Variants in KLHL41 observed in about 807,000 individuals in gnomAD.
KLHL41 encodes the protein kelch-like protein 41.
Under a neutral mutation model 49.2 loss-of-function variants are expected in KLHL41, and 31 were observed. The ratio of observed to expected loss-of-function variants is 0.63; its 90% CI spans 0.47 to 0.85. KLHL41 has a LOEUF of 0.85. Ranked by LOEUF, KLHL41 falls within the 40% of genes least tolerant of loss-of-function variation. The pLI is 0.00. For missense variants in KLHL41, 663 were observed against 726.7 expected (o/e 0.91, Z 1.01); for synonymous variants, 218 against 258.5 (o/e 0.84, Z 1.50).
chr2:169,509,877 C>G lies in KLHL41; in HGVS notation c.99C>G (p.Ile33Met). Reference sequence around the variant, plus strand: ...ATCTCCTGGATGAGAAAAAATTCATCGATTGCACCCTAAAAGCAGGTGACA... The same window carrying G: ...ATCTCCTGGATGAGAAAAAATTCATGGATTGCACCCTAAAAGCAGGTGACA... ...LKDLLDEKKF[I>M]DCTLKAGDKS... The change falls in exon 1 of 6, where the codon ATC becomes ATG. Residue 33 changes from isoleucine (I) to methionine (M), a missense_variant. Around this residue, in one of 3 missense-constraint regions of KLHL41, gnomAD observed 129 missense variants for 122.1 expected, o/e 1.06. Coordinates refer to ENST00000284669, the MANE Select transcript of KLHL41 (RefSeq NM_006063.3). 6.2e-7 allele frequency: 1 copy of G among 1,614,122 alleles called. No individual in the cohort carries two copies. Among genetic ancestry groups the G allele is most frequent in the Non-Finnish European group, 8.5e-7 (1 of 1,180,022 alleles).
Position 169,520,152 on chromosome 2 carries a change from C to CTGTG in KLHL41, c.1563-655_1563-652dup, listed in dbSNP as rs59155387. On this transcript the variant is annotated intron_variant, in intron 4 of 5. Transcript: ENST00000284669. Reference sequence around the variant, plus strand: ...TAGGGACATACCACCAGGCCTAGCTCTGTGTGTGTGTGTGTGTGTGTGTGT... The same window carrying CTGTG: ...TAGGGACATACCACCAGGCCTAGCTCTGTGTGTGTGTGTGTGTGTGTGTGTGTGT... 8.4e-3 allele frequency among the ~76,000 whole-genome samples: 887 copies of CTGTG among 105,018 alleles called. 22 individuals are homozygous for CTGTG. The highest frequency in any genetic ancestry group is 0.011 in the Non-Finnish European group (605 of 52,972). The allele number at this position is 105,018 out of a possible 152,430, so 68.9% of individuals were successfully genotyped here.
chr2:169,511,927 C>T (rs890279538), intron 1 of KLHL41, among the ~76,000 whole-genome samples: 3 of 152,174 alleles, frequency 2.0e-5, no homozygotes, highest in Non-Finnish European at 2.9e-5. Context: ...GTTGGCTTAA[C>T]CTTTGTCTTC....
At position 169,509,709 on chromosome 2, in the gene KLHL41, C is replaced by T; in HGVS notation, c.-70C>T. ...CAAAGCACACTGATCTGCCTTTTTA[C>T]AGCTAGACCTGTGTGCTGCAAGGAG... On this transcript the variant is annotated 5_prime_UTR_variant, in exon 1 of 6. Transcript: ENST00000284669. 1 of 1,476,144 alleles carries T rather than the reference C, an allele frequency of 6.8e-7. No homozygotes were observed. Among genetic ancestry groups the T allele is most frequent in the Non-Finnish European group, 9.1e-7 (1 of 1,103,346 alleles). 91.4% of individuals were successfully genotyped at this position (1,476,144 alleles called of 1,614,324 possible). A position where few individuals can be genotyped will look rare whatever the true frequency, so the allele number is the denominator to read the frequency against.
At chr2:169,521,729 C>G (rs1466641108) in intron 5 of KLHL41, among the ~76,000 whole-genome samples, 1 of 152,160 alleles carries the variant, frequency 6.6e-6, no homozygotes, top group Non-Finnish European at 1.5e-5. Flanking sequence ...TCCACTACTT[C>G]ATTAGTTCTG....
chr2:169,524,179 CTAT>C (rs1183349346), intron 5 of KLHL41, among the ~76,000 whole-genome samples: 1 of 152,068 alleles, frequency 6.6e-6, no homozygotes, highest in Non-Finnish European at 1.5e-5. Flanking sequence ...TCATTTAAAA[CTAT>C]TATTTATCTC....
chr2:169,523,787 T>G (rs1486677486), intron 5 of KLHL41, among the ~76,000 whole-genome samples: 1 of 152,164 alleles, frequency 6.6e-6, no homozygotes, highest in Admixed American at 6.5e-5. Flanking sequence ...CAGGTCTCAC[T>G]TCAAATCTGT....
At chr2:169,521,581 C>T (rs772598376) in intron 5 of KLHL41, among the ~76,000 whole-genome samples, 13 of 152,048 alleles carry the variant, frequency 8.5e-5, no homozygotes, top group Middle Eastern at 3.4e-3. Flanking sequence ...TTAGTAGAGA[C>T]GGCATTTCGC....
rs773331535 is a variant in KLHL41, at chr2:169,515,001, T to C, written c.1376+40T>C. On this transcript the variant is annotated intron_variant, in intron 3 of 5. Coordinates refer to ENST00000284669, the MANE Select transcript of KLHL41 (RefSeq NM_006063.3). ...CTCTCATGATTTATGTCTAAATGAC[T>C]TTTTATTAGAAGGGTTTCTTCCTCT... 6.4e-6 allele frequency: 8 copies of C among 1,250,034 alleles called. No individual in the cohort carries two copies. The East Asian group carries it at 1.7e-4, about 26-fold the overall frequency. The allele number at this position is 1,250,034 out of a possible 1,614,324, so 77.4% of individuals were successfully genotyped here. A position where few individuals can be genotyped will look rare whatever the true frequency, so the allele number is the denominator to read the frequency against.
intron 4 of KLHL41, 131 bp downstream of exon 4, chr2:169,518,506 G>A: frequency 1.6e-6 from 1 of 608,522 alleles, no homozygotes; most frequent in Non-Finnish European, 2.7e-6. Context: ...TACAAAGGAA[G>A]TATTTTCATC....
At chr2:169,521,506 G>T (rs1196567458) in intron 5 of KLHL41, among the ~76,000 whole-genome samples, 2 of 152,140 alleles carry the variant, frequency 1.3e-5, no homozygotes, top group East Asian at 1.9e-4. Flanking sequence ...TGATTCTCCT[G>T]CCTCAGCCTC....
intron 1 of KLHL41, among the ~76,000 whole-genome samples, chr2:169,513,011 G>C (rs1219890877): frequency 1.3e-5 from 2 of 152,136 alleles, no homozygotes; most frequent in African/African-American, 4.8e-5. Flanking sequence ...GTTGAACTCA[G>C]AGAAGTTAAA....
At chr2:169,516,051 A>G (rs1420628511) in intron 3 of KLHL41, among the ~76,000 whole-genome samples, 2 of 152,204 alleles carry the variant, frequency 1.3e-5, no homozygotes, top group Non-Finnish European at 2.9e-5. Flanking sequence ...AACCAGTATA[A>G]CCTGTCTAGT....
At chr2:169,514,269 T>G in intron 1 of KLHL41, 1 of 239,152 alleles carries the variant, frequency 4.2e-6, no homozygotes, top group Non-Finnish European at 8.1e-6. Context: ...AACAAGGCAA[T>G]ATGGGAGAAA....
At chr2:169,513,575 G>T (rs1028034562) in intron 1 of KLHL41, among the ~76,000 whole-genome samples, 5 of 152,104 alleles carry the variant, frequency 3.3e-5, no homozygotes, top group Admixed American at 1.3e-4. Context: ...TTTAACTGAG[G>T]TTACTAGACC....
At position 169,523,469 on chromosome 2, in the gene KLHL41, G is replaced by C. The variant is rs565000189; in HGVS notation, c.1710-2116G>C. On this transcript the variant is annotated intron_variant, in intron 5 of 5. Transcript: ENST00000284669. ...CCACTGGATTGGGTAAAGAGAAGAG[G>C]GGGGCATTCATCACTATCTGCTTGG... 7.9e-5 allele frequency among the ~76,000 whole-genome samples: 12 copies of C among 152,164 alleles called. No homozygotes were observed. The South Asian group carries it at 1.2e-3, about 16-fold the overall frequency.
chr2:169,521,043 A>G, intron 5 of KLHL41, 36 bp downstream of exon 5: 1 of 1,580,916 alleles, frequency 6.3e-7, no homozygotes, highest in Non-Finnish European at 8.7e-7. Context: ...AGAATCACAT[A>G]TTAAATCAGA....
At position 169,510,969 on chromosome 2, in the gene KLHL41, T is replaced by C. The variant is rs189900235; in HGVS notation, c.1110+81T>C. The stretch of plus-strand genomic sequence containing the variant: ...TCCAGTTAGCCAATTTGTGAATTAT[T>C]CAAGCTGCTTGCATTTTACTCTAAT... On this transcript the variant is annotated intron_variant, in intron 1 of 5. Coordinates refer to ENST00000284669, the MANE Select transcript of KLHL41 (RefSeq NM_006063.3). The surrounding 1 kb of genome is among the most constrained non-coding windows in gnomAD (Gnocchi z 4.2). The C allele has an allele frequency of 2.5e-6, 3 of 1,218,170 alleles. No individual in the cohort carries two copies. In the African/African-American group the frequency reaches 4.5e-5, roughly 18 times the overall value. 75.5% of individuals were successfully genotyped at this position (1,218,170 alleles called of 1,614,324 possible).
Position 169,520,611 on chromosome 2 carries a change from C to G in KLHL41, c.1563-250C>G, listed in dbSNP as rs754893230. On this transcript the variant is annotated intron_variant, in intron 4 of 5. Coordinates refer to ENST00000284669, the MANE Select transcript of KLHL41 (RefSeq NM_006063.3). Reference sequence around the variant, plus strand: ...AAATTACAAGTGCGCGCCACCGTGCCTGGCTAATTTTTTGTATTTTTGGTA... The same window carrying G: ...AAATTACAAGTGCGCGCCACCGTGCGTGGCTAATTTTTTGTATTTTTGGTA... Among the ~76,000 whole-genome samples the G allele has an allele frequency of 9.9e-5, 15 of 151,746 alleles. 1 individual carries two copies. Among genetic ancestry groups the G allele is most frequent in the Non-Finnish European group, 2.1e-4 (14 of 67,956 alleles).
intron 5 of KLHL41, among the ~76,000 whole-genome samples, chr2:169,524,496 C>T (rs1684266909): frequency 7.0e-6 from 1 of 143,644 alleles, no homozygotes; most frequent in Non-Finnish European, 1.5e-5. Flanking sequence ...CTCCCGGGTT[C>T]AAGCAGTTCT....
Sources: allele counts gnomAD v4.1 joint callset (sites outside exome capture counted in the v4.1 genomes callset), GRCh38; gene constraint gnomAD v4.1.1; regional missense constraint gnomAD v4.1.1; non-coding constraint Gnocchi (gnomAD v3.1); transcripts MANE v1.5; gene names NCBI Gene and HGNC (gene_info 2026-07-23, HGNC 2026-07-21).